PRMT7: variants seen among roughly 807,000 people sequenced by gnomAD.
PRMT7 encodes the protein protein arginine N-methyltransferase 7.
In PRMT7, 75 loss-of-function variants were observed where a neutral mutation model predicts 85.4. That is an observed-to-expected ratio of 0.88 (90% CI 0.73 to 1.06). The LOEUF is 1.06. Among genes scored for constraint, PRMT7 ranks in the 50% least tolerant of loss-of-function variants. The pLI is 0.00. For missense variants in PRMT7, 868 were observed against 915.2 expected (o/e 0.95, Z 0.67); for synonymous variants, 397 against 359.5 (o/e 1.10, Z -1.18).
intron 16 of PRMT7, 62 bp downstream of exon 16, chr16:68,353,628 A>C: frequency 2.1e-6 from 3 of 1,456,508 alleles, no homozygotes; most frequent in Non-Finnish European, 2.7e-6. Context: ...GGCCTCTCAC[A>C]GGGTCCCAGC....
chr16:68,345,559 T>C, intron 9 of PRMT7, 116 bp from the exon 10 acceptor site: 1 of 1,439,902 alleles, frequency 6.9e-7, no homozygotes, highest in Non-Finnish European at 9.5e-7. Context: ...AATAGCCAGC[T>C]GTAGTCTACA....
At chr16:68,317,657 GTC>G (rs2082020825) in intron 3 of PRMT7, among the ~76,000 whole-genome samples, 1 of 152,044 alleles carries the variant, frequency 6.6e-6, no homozygotes, top group African/African-American at 2.4e-5. Context: ...GAGAAACCCT[GTC>G]TCTACTAAAA....
Position 68,356,797 on chromosome 16 carries a change from G to A in PRMT7, c.1908G>A (p.Glu636=). ...GCCTCCTGGAGCCTGCAGACCCCGA[G>A]GTAGTGCCTGCGCACCGGGCCCAGT... is the stretch of plus-strand genomic sequence containing the variant. The part of the protein sequence containing the change: ...STGLLEPADP[E]GGCCWNPHCK... Residue 636 remains glutamate, a splice_region_variant and synonymous_variant, in exon 18 of 19, where the codon GAG becomes GAA. Coordinates refer to ENST00000441236, the MANE Select transcript of PRMT7 (RefSeq NM_019023.5). 6.2e-7 allele frequency: 1 copy of A among 1,605,014 alleles called. No homozygotes were observed. The highest frequency in any genetic ancestry group is 8.5e-7 in the Non-Finnish European group (1 of 1,177,130).
intron 5 of PRMT7, among the ~76,000 whole-genome samples, chr16:68,327,939 AAAAAG>A (rs1567663290): frequency 1.3e-5 from 2 of 152,060 alleles, no homozygotes; most frequent in Admixed American, 6.5e-5. Context: ...CAAAAAAAAA[AAAAAG>A]AAAAATTAAA....
chr16:68,337,132 G>A (rs144934290), intron 6 of PRMT7, among the ~76,000 whole-genome samples: 2 of 152,240 alleles, frequency 1.3e-5, no homozygotes, highest in East Asian at 3.9e-4. Flanking sequence ...AATCCATTGG[G>A]TATTTATAGT....
At chr16:68,349,263 C>T (rs1356937939) in intron 14 of PRMT7, among the ~76,000 whole-genome samples, 1 of 152,168 alleles carries the variant, frequency 6.6e-6, no homozygotes, top group Admixed American at 6.5e-5. Flanking sequence ...CCGTGGCACT[C>T]TCCCCGTGTC....
chr16:68,322,059 T>C (rs2082558151), intron 4 of PRMT7, among the ~76,000 whole-genome samples: 1 of 152,054 alleles, frequency 6.6e-6, no homozygotes, highest in South Asian at 2.1e-4. Context: ...GCGATTCTCC[T>C]GCCTCAACCT....
intron 6 of PRMT7, among the ~76,000 whole-genome samples, chr16:68,333,321 A>C (rs1224308661): frequency 6.6e-6 from 1 of 152,006 alleles, no homozygotes; most frequent in East Asian, 1.9e-4. Context: ...GTCTCTACTA[A>C]AAATACAAAA....
At chr16:68,320,394 T>C (rs2082356691) in intron 3 of PRMT7, among the ~76,000 whole-genome samples, 1 of 152,212 alleles carries the variant, frequency 6.6e-6, no homozygotes, top group Non-Finnish European at 1.5e-5. Context: ...TACATATTTA[T>C]TGACAGCAAG....
chr16:68,348,658 T>C (rs1054384104), intron 14 of PRMT7, among the ~76,000 whole-genome samples: 2 of 133,998 alleles, frequency 1.5e-5, no homozygotes, highest in Admixed American at 1.4e-4. Context: ...TTTTTTTTTT[T>C]TGAAAATGGG....
intron 17 of PRMT7, 31 bp downstream of exon 17, chr16:68,355,914 G>C: frequency 1.3e-6 from 2 of 1,524,382 alleles, no homozygotes; most frequent in Non-Finnish European, 1.8e-6. Context: ...GGGGCAGGGA[G>C]GGGCTGCTGC....
chr16:68,347,121 T>G, intron 11 of PRMT7, 90 bp from the exon 12 acceptor site: 3 of 1,224,518 alleles, frequency 2.4e-6, no homozygotes, highest in East Asian at 2.6e-5. Flanking sequence ...GCAAGTGGAG[T>G]GAGAAGGGAA....
intron 3 of PRMT7, among the ~76,000 whole-genome samples, chr16:68,317,094 T>A (rs1370642887): frequency 6.6e-6 from 1 of 150,588 alleles, no homozygotes; most frequent in Non-Finnish European, 1.5e-5. Context: ...AAAAATTAGC[T>A]GGGAGTGGTG....
intron 14 of PRMT7, 96 bp downstream of exon 14, chr16:68,348,527 A>C: frequency 1.0e-6 from 1 of 959,302 alleles, no homozygotes; most frequent in Non-Finnish European, 1.6e-6. Context: ...CTGGAGTCTC[A>C]CAGTGGGTCC....
intron 3 of PRMT7, among the ~76,000 whole-genome samples, chr16:68,320,498 A>C (rs971808120): frequency 3.9e-5 from 6 of 152,248 alleles, no homozygotes; most frequent in Non-Finnish European, 1.5e-5. Flanking sequence ...ACATGTCCTT[A>C]AGGCACAGAT....
intron 2 of PRMT7, chr16:68,315,394 T>C (rs2044592806): frequency 6.5e-6 from 1 of 154,688 alleles, no homozygotes; most frequent in Non-Finnish European, 1.4e-5. Context: ...CATCATTATA[T>C]TCCTGGGATT....
At chr16:68,356,842 G>C in intron 18 of PRMT7, 45 bp downstream of exon 18, 2 of 1,555,620 alleles carry the variant, frequency 1.3e-6, no homozygotes, top group Non-Finnish European at 1.7e-6. Context: ...GACCCTGAGA[G>C]CAGGCGCCGC....
chr16:68,357,302 C>T lies in PRMT7; in HGVS notation c.*78C>T, dbSNP rs760968643. 7.0e-7 allele frequency: 1 copy of T among 1,426,450 alleles called. No individual in the cohort carries two copies. Among genetic ancestry groups the T allele is most frequent in the Non-Finnish European group, 9.5e-7 (1 of 1,050,706 alleles). 88.4% of individuals were successfully genotyped at this position (1,426,450 alleles called of 1,614,324 possible). On this transcript the variant is annotated 3_prime_UTR_variant, in exon 19 of 19. Coordinates refer to ENST00000441236, the MANE Select transcript of PRMT7 (RefSeq NM_019023.5). ...GCTTTCTAGCGGGGAAGGCTGAAGGCCCTCCTCTCCTCTCTGGGAGCTGCT... is the reference window on the plus strand; with the variant it reads ...GCTTTCTAGCGGGGAAGGCTGAAGGTCCTCCTCTCCTCTCTGGGAGCTGCT...
At chr16:68,323,136 T>C (rs2151462354) in intron 4 of PRMT7, among the ~76,000 whole-genome samples, 1 of 152,330 alleles carries the variant, frequency 6.6e-6, no homozygotes, top group South Asian at 2.1e-4. Context: ...TATATTTCTG[T>C]GAAAAATTAT....
Sources: gnomAD v4.1 joint callset for allele counts (sites outside exome capture counted in the v4.1 genomes callset) on GRCh38, gnomAD v4.1.1 for gene constraint, MANE v1.5 for transcripts, NCBI Gene and HGNC (gene_info 2026-07-23, HGNC 2026-07-21) for gene names.